Variants in SEC23A observed in about 807,000 individuals in gnomAD.
SEC23A encodes protein transport protein Sec23A.
A neutral mutation model predicts 103.7 loss-of-function variants in SEC23A; 56 were observed. That is an observed-to-expected ratio of 0.54 (90% CI 0.44 to 0.67). The LOEUF (loss-of-function observed/expected upper bound fraction) is 0.67. Among genes scored for constraint, SEC23A ranks in the 30% least tolerant of loss-of-function variants. The pLI is 0.00. For missense variants in SEC23A, 784 were observed against 936.4 expected, an observed-to-expected ratio of 0.84 and a Z score of 2.12; for synonymous variants, 281 against 293.0, an observed-to-expected ratio of 0.96 and a Z score of 0.42.
Position 39,033,212 on chromosome 14 carries a change from T to G in SEC23A, c.*27A>C, listed in dbSNP as rs752336930. ...GAAATTTGAATATTATTTCATCTTCTTAAGTGTCTTTAACATTATTAGCAC... is the reference window on the plus strand; with the variant it reads ...GAAATTTGAATATTATTTCATCTTCGTAAGTGTCTTTAACATTATTAGCAC... On this transcript the variant is annotated 3_prime_UTR_variant, in exon 20 of 20. Coordinates refer to ENST00000307712, the MANE Select transcript of SEC23A (RefSeq NM_006364.4). 1.1e-5 allele frequency: 16 copies of G among 1,488,176 alleles called. No individual in the cohort carries two copies. The African/African-American group carries it at 2.2e-4, about 21-fold the overall frequency. The allele number at this position is 1,488,176 out of a possible 1,614,324, so 92.2% of individuals were successfully genotyped here. A position where few individuals can be genotyped will look rare whatever the true frequency, so the allele number is the denominator to read the frequency against.
intron 19 of SEC23A, among the ~76,000 whole-genome samples, chr14:39,036,282 A>T (rs1467716759): frequency 3.6e-5 from 5 of 139,228 alleles, no homozygotes. Context: ...AGATCGCGTC[A>T]CTACACTCCA....
At chr14:39,078,111 T>C (rs920602873) in intron 7 of SEC23A, among the ~76,000 whole-genome samples, 3 of 151,524 alleles carry the variant, frequency 2.0e-5, no homozygotes, top group Non-Finnish European at 4.4e-5. Context: ...ACAAAATCAG[T>C]TGGGCATGAT....
chr14:39,074,656 T>C, intron 8 of SEC23A, 126 bp from the exon 9 acceptor site: 1 of 639,400 alleles, frequency 1.6e-6, no homozygotes, highest in Non-Finnish European at 2.8e-6. Context: ...ATTAGTTATT[T>C]AACTTTCTGT....
chr14:39,037,016 T>A (rs1287815461), intron 19 of SEC23A, among the ~76,000 whole-genome samples: 1 of 152,168 alleles, frequency 6.6e-6, no homozygotes, highest in Non-Finnish European at 1.5e-5. Context: ...CTTCCTTCTA[T>A]AAAGTCACCT....
At position 39,045,148 on chromosome 14, in the gene SEC23A, T is replaced by TTCTGTCCC. The variant is rs766984160; in HGVS notation, c.1899+7_1899+14dup. ...GCAGTAACAAGACCAATTTATTTTT[T>TTCTGTCCC]TCTGTCCCTCTTACCTCTGGTGGTC... On this transcript the variant is annotated intron_variant, in intron 16 of 19. Coordinates refer to ENST00000307712, the MANE Select transcript of SEC23A (RefSeq NM_006364.4). 6.2e-7 allele frequency: 1 copy of TTCTGTCCC among 1,612,254 alleles called. No homozygotes were observed. Among genetic ancestry groups the TTCTGTCCC allele is most frequent in the Non-Finnish European group, 8.5e-7 (1 of 1,178,614 alleles).
At chr14:39,061,462 TTA>T (rs1886475483) in intron 13 of SEC23A, among the ~76,000 whole-genome samples, 1 of 152,014 alleles carries the variant, frequency 6.6e-6, no homozygotes, top group Non-Finnish European at 1.5e-5. Context: ...ATATAATGGA[TTA>T]TATATATTAT....
chr14:39,063,452 C>T (rs1886547357), intron 11 of SEC23A, 39 bp from the exon 12 acceptor site: 1 of 1,255,298 alleles, frequency 8.0e-7, no homozygotes, highest in Admixed American at 1.7e-5. Flanking sequence ...AAGCTAGAGA[C>T]ACAATTTATT....
intron 14 of SEC23A, among the ~76,000 whole-genome samples, chr14:39,054,498 T>C (rs760029434): frequency 6.6e-6 from 1 of 152,230 alleles, no homozygotes; most frequent in African/African-American, 2.4e-5. Context: ...TGACACAAGG[T>C]CTCACTCTGT....
At chr14:39,050,253 C>G (rs1217040490) in intron 14 of SEC23A, among the ~76,000 whole-genome samples, 1 of 152,116 alleles carries the variant, frequency 6.6e-6, no homozygotes, top group Non-Finnish European at 1.5e-5. Context: ...GCAGATAAAG[C>G]AACAGTAATG....
At chr14:39,045,977 G>C (rs1885821485) in intron 15 of SEC23A, among the ~76,000 whole-genome samples, 1 of 152,172 alleles carries the variant, frequency 6.6e-6, no homozygotes, top group Non-Finnish European at 1.5e-5. Flanking sequence ...GCCAGATGGA[G>C]GGAACTGAAT....
At position 39,032,020 on chromosome 14, in the gene SEC23A, A is replaced by G. The variant is rs796940940; in HGVS notation, c.*1219T>C. 6.5e-6 allele frequency: 1 copy of G among 152,800 alleles called. No homozygotes were observed. Among genetic ancestry groups the G allele is most frequent in the Middle Eastern group, 3.4e-3 (1 of 294 alleles). 9.5% of individuals were successfully genotyped at this position (152,800 alleles called of 1,614,324 possible). On this transcript the variant is annotated 3_prime_UTR_variant, in exon 20 of 20. Coordinates refer to ENST00000307712, the MANE Select transcript of SEC23A (RefSeq NM_006364.4). ...TTTAAGCTAATTGAATATAACACAT[A>G]AACAATTTTTTCTTAAGTTTCTGCT...
At chr14:39,034,709 T>C (rs980831678) in intron 19 of SEC23A, among the ~76,000 whole-genome samples, 1 of 152,212 alleles carries the variant, frequency 6.6e-6, no homozygotes, top group Non-Finnish European at 1.5e-5. Flanking sequence ...TAAATACCAA[T>C]GCTCATTCGA....
chr14:39,066,498 AC>A (rs61503481), intron 10 of SEC23A, among the ~76,000 whole-genome samples: 2,180 of 151,552 alleles, frequency 0.014, 61 homozygotes, highest in African/African-American at 0.049. Flanking sequence ...TTTAAAAAAA[AC>A]AGTTTCCTCT....
intron 14 of SEC23A, among the ~76,000 whole-genome samples, chr14:39,050,739 G>C (rs989518929): frequency 6.6e-6 from 1 of 152,044 alleles, no homozygotes; most frequent in Non-Finnish European, 1.5e-5. Context: ...GATCACTTGA[G>C]CCCAGGAGTT....
In SEC23A at chr14:39,033,040, A is replaced by T; in HGVS notation, c.*199T>A. On this transcript the variant is annotated 3_prime_UTR_variant, in exon 20 of 20. Coordinates refer to ENST00000307712, the MANE Select transcript of SEC23A (RefSeq NM_006364.4). ...CAGCTATAACACTGTGGTAAGCAAA[A>T]TAAATTTGTTCTTATTGCTCTCATT... The T allele has an allele frequency of 3.4e-6, 2 of 584,650 alleles. No individual in the cohort carries two copies. The highest frequency in any genetic ancestry group is 6.2e-6 in the Non-Finnish European group (2 of 322,672). The allele number at this position is 584,650 out of a possible 1,614,324, so 36.2% of individuals were successfully genotyped here.
chr14:39,070,318 T>C (rs1446539890), intron 9 of SEC23A, among the ~76,000 whole-genome samples: 1 of 152,216 alleles, frequency 6.6e-6, no homozygotes, highest in Non-Finnish European at 1.5e-5. Flanking sequence ...TTAAGCCTAA[T>C]TAAATTATTT....
At chr14:39,102,668 C>A (rs1424380783) in intron 1 of SEC23A, among the ~76,000 whole-genome samples, 1 of 152,094 alleles carries the variant, frequency 6.6e-6, no homozygotes, top group African/African-American at 2.4e-5. Context: ...AAGTCTAGGA[C>A]ACTCCATATC....
intron 19 of SEC23A, 121 bp downstream of exon 19, chr14:39,038,910 T>C (rs981146364): frequency 1.8e-5 from 16 of 875,728 alleles, no homozygotes; most frequent in Non-Finnish European, 3.0e-5. Flanking sequence ...CTCTCATTTT[T>C]ACATTACTTT....
intron 19 of SEC23A, among the ~76,000 whole-genome samples, chr14:39,037,951 C>T (rs1207550840): frequency 1.3e-5 from 2 of 152,200 alleles, no homozygotes; most frequent in Non-Finnish European, 2.9e-5. Context: ...CTACAGACTG[C>T]TTCCATTTAA....
Sources: gnomAD v4.1 joint callset for allele counts (sites outside exome capture counted in the v4.1 genomes callset) on GRCh38, gnomAD v4.1.1 for gene constraint, MANE v1.5 for transcripts, NCBI Gene and HGNC (gene_info 2026-07-23, HGNC 2026-07-21) for gene names.